Variants in RNFT2 observed in about 807,000 individuals in gnomAD.
RNFT2 encodes ring finger protein, transmembrane 2.
Under a neutral mutation model 53.0 loss-of-function variants are expected in RNFT2, and 36 were observed. The observed-to-expected ratio is 0.68, with a 90% CI of 0.52 to 0.90. The LOEUF (loss-of-function observed/expected upper bound fraction) is 0.90, where lower values mean the gene tolerates loss of function less well. RNFT2 is among the 40% of genes least tolerant of loss of function. The pLI is 0.00. For synonymous variants in RNFT2, 260 were observed against 253.2 expected, an observed-to-expected ratio of 1.03 and a Z score of -0.26; for missense variants, 514 against 585.6, an observed-to-expected ratio of 0.88 and a Z score of 1.26.
rs550016079 is a variant in RNFT2 at position 116,755,507 on chromosome 12, C to T, written c.627+1447C>T. ...CTGGCGCTTGAGTTGAACCCAGGTA[C>T]CTTTCTCTTCCGCTTCTTTCTTTTT... is the stretch of plus-strand genomic sequence containing the variant. On this transcript the variant is annotated intron_variant, in intron 5 of 10. Transcript: ENST00000257575. 18 of 886,304 alleles carry T rather than the reference C, an allele frequency of 2.0e-5. No individual in the cohort carries two copies. In the East Asian group the frequency reaches 3.4e-4, roughly 17 times the overall value. The allele number at this position is 886,304 out of a possible 1,614,324, so 54.9% of individuals were successfully genotyped here. A position where few individuals can be genotyped will look rare whatever the true frequency, so the allele number is the denominator to read the frequency against.
intron 3 of RNFT2, among the ~76,000 whole-genome samples, chr12:116,747,082 C>T (rs541701464): frequency 6.6e-6 from 1 of 152,046 alleles, no homozygotes; most frequent in Non-Finnish European, 1.5e-5. Flanking sequence ...ATTGAGAAAG[C>T]ATCTTGCTCT....
At chr12:116,760,268 A>G (rs1872646644) in intron 5 of RNFT2, among the ~76,000 whole-genome samples, 1 of 152,088 alleles carries the variant, frequency 6.6e-6, no homozygotes, top group African/African-American at 2.4e-5. Context: ...GCCCCAGACT[A>G]TCCGCCTCCC....
intron 7 of RNFT2, among the ~76,000 whole-genome samples, chr12:116,789,025 A>G (rs1039958335): frequency 2.8e-5 from 4 of 143,694 alleles, no homozygotes; most frequent in Non-Finnish European, 3.0e-5. Flanking sequence ...GGATGGGTGG[A>G]TGGGTAAATG....
At chr12:116,759,387 A>G (rs1331252963) in intron 5 of RNFT2, among the ~76,000 whole-genome samples, 1 of 152,098 alleles carries the variant, frequency 6.6e-6, no homozygotes, top group Admixed American at 6.5e-5. Context: ...CTTGGTTTAG[A>G]TCCATTGCTG....
intron 7 of RNFT2, among the ~76,000 whole-genome samples, chr12:116,806,871 T>C (rs975491895): frequency 1.3e-5 from 2 of 152,238 alleles, no homozygotes; most frequent in Non-Finnish European, 2.9e-5. Context: ...GAACCCCTCT[T>C]GATCATAACC....
At chr12:116,774,606 A>G (rs1439245965) in intron 6 of RNFT2, among the ~76,000 whole-genome samples, 1 of 152,210 alleles carries the variant, frequency 6.6e-6, no homozygotes, top group Non-Finnish European at 1.5e-5. Flanking sequence ...AACTCAAGTC[A>G]GCCTTTCAGA....
intron 10 of RNFT2, among the ~76,000 whole-genome samples, chr12:116,847,735 C>G (rs1370191612): frequency 6.6e-6 from 1 of 152,122 alleles, no homozygotes; most frequent in African/African-American, 2.4e-5. Context: ...CCATGTTGGT[C>G]AGGCTGGTCT....
At chr12:116,821,895 C>T (rs1219148132) in intron 7 of RNFT2, among the ~76,000 whole-genome samples, 1 of 137,116 alleles carries the variant, frequency 7.3e-6, no homozygotes, top group Non-Finnish European at 1.5e-5. Flanking sequence ...AGTGCAGTGG[C>T]GCAACCTCAG....
intron 7 of RNFT2, among the ~76,000 whole-genome samples, chr12:116,825,231 C>T (rs1876265525): frequency 6.6e-6 from 1 of 152,188 alleles, no homozygotes; most frequent in Non-Finnish European, 1.5e-5. Flanking sequence ...TGGGACTCTC[C>T]TTATAGCTTG....
chr12:116,831,689 G>A (rs1041643201), intron 7 of RNFT2, among the ~76,000 whole-genome samples: 1 of 152,062 alleles, frequency 6.6e-6, no homozygotes. Flanking sequence ...GATGCTTGGG[G>A]CAGTGTTGTT....
At chr12:116,775,794 A>G (rs1212060862) in intron 6 of RNFT2, among the ~76,000 whole-genome samples, 1 of 152,184 alleles carries the variant, frequency 6.6e-6, no homozygotes, top group Non-Finnish European at 1.5e-5. Context: ...TGTATTCCCA[A>G]CACTTTGGGA....
chr12:116,775,822 C>T (rs369018864), intron 6 of RNFT2, among the ~76,000 whole-genome samples: 1 of 152,206 alleles, frequency 6.6e-6, no homozygotes, highest in South Asian at 2.1e-4. Context: ...GTGGGTGGAT[C>T]ACTTGAGGCC....
At chr12:116,802,432 T>C (rs1181145700) in intron 7 of RNFT2, among the ~76,000 whole-genome samples, 1 of 152,184 alleles carries the variant, frequency 6.6e-6, no homozygotes, top group Non-Finnish European at 1.5e-5. Flanking sequence ...GTCTGTGACT[T>C]TCACTGTACT....
chr12:116,760,573 A>G (rs1872657268), intron 5 of RNFT2, among the ~76,000 whole-genome samples: 1 of 152,142 alleles, frequency 6.6e-6, no homozygotes, highest in African/African-American at 2.4e-5. Context: ...AGCGCCAGAT[A>G]AAGTTGGAAA....
At chr12:116,768,687 A>G (rs969006968) in intron 6 of RNFT2, among the ~76,000 whole-genome samples, 1 of 150,844 alleles carries the variant, frequency 6.6e-6, no homozygotes, top group Non-Finnish European at 1.5e-5. Context: ...TTACTGGTTT[A>G]TATTTTTACT....
intron 7 of RNFT2, among the ~76,000 whole-genome samples, chr12:116,813,758 A>G (rs1875501874): frequency 2.0e-5 from 3 of 152,232 alleles, no homozygotes; most frequent in Admixed American, 2.0e-4. Flanking sequence ...TCCCTTCACT[A>G]TATTTTCTCT....
At chr12:116,773,297 C>G (rs2137109154) in intron 6 of RNFT2, among the ~76,000 whole-genome samples, 1 of 152,276 alleles carries the variant, frequency 6.6e-6, no homozygotes, top group African/African-American at 2.4e-5. Context: ...TGTGTGTGTG[C>G]CCAGGACTAT....
At chr12:116,782,831 C>T (rs1054092851) in intron 7 of RNFT2, among the ~76,000 whole-genome samples, 5 of 152,192 alleles carry the variant, frequency 3.3e-5, no homozygotes, top group Non-Finnish European at 7.3e-5. Context: ...GGTCTGGTAA[C>T]TGTGCCCTCC....
intron 7 of RNFT2, among the ~76,000 whole-genome samples, chr12:116,810,934 G>A (rs16947003): frequency 0.052 from 7,989 of 152,264 alleles, 480 homozygotes; most frequent in East Asian, 0.14. Flanking sequence ...CTGATAACAC[G>A]TCTCAACTTT....
Sources: allele counts gnomAD v4.1 joint callset (sites outside exome capture counted in the v4.1 genomes callset), GRCh38; gene constraint gnomAD v4.1.1; transcripts MANE v1.5; gene names NCBI Gene and HGNC (gene_info 2026-07-23, HGNC 2026-07-21).